Variants in OIP5 observed in about 807,000 individuals in gnomAD.
OIP5 encodes Opa interacting protein 5.
Under a neutral mutation model 20.3 loss-of-function variants are expected in OIP5, and 24 were observed. The ratio of observed to expected loss-of-function variants is 1.18; its 90% CI spans 0.86 to 1.66. The LOEUF is 1.66. Among genes scored for constraint, OIP5 ranks in the 40% most tolerant of loss-of-function variants. OIP5 has a pLI of 0.00. For missense variants in OIP5, 339 were observed against 289.5 expected, an observed-to-expected ratio of 1.17 and a Z score of -1.24; for synonymous variants, 143 against 121.3, an observed-to-expected ratio of 1.18 and a Z score of -1.17.
At chr15:41,330,333 T>A (rs7182324) in intron 2 of OIP5, among the ~76,000 whole-genome samples, 43,149 of 151,626 alleles carry the variant, frequency 0.28, 6,618 homozygotes, top group African/African-American at 0.39. Context: ...TCCCGACCTC[T>A]GGTGATCTGC....
chr15:41,313,130 AT>A, intron 4 of OIP5, 142 bp downstream of exon 4: 1 of 643,192 alleles, frequency 1.6e-6, no homozygotes, highest in Non-Finnish European at 2.7e-6. Flanking sequence ...TTTGTTTTTC[AT>A]TACAAATTCA....
At chr15:41,321,396 C>A (rs2047826952) in intron 2 of OIP5, among the ~76,000 whole-genome samples, 1 of 152,196 alleles carries the variant, frequency 6.6e-6, no homozygotes, top group Non-Finnish European at 1.5e-5. Flanking sequence ...AGCCCCTCTG[C>A]CCGGCCACCA....
intron 2 of OIP5, among the ~76,000 whole-genome samples, chr15:41,323,495 C>CT (rs546921141): frequency 8.7e-4 from 132 of 152,066 alleles, no homozygotes; most frequent in Middle Eastern, 3.4e-3. Context: ...TCCTTTGAAG[C>CT]TTTTTTTTCT....
intron 4 of OIP5, among the ~76,000 whole-genome samples, chr15:41,310,512 C>T (rs544490096): frequency 1.3e-5 from 2 of 152,130 alleles, no homozygotes; most frequent in African/African-American, 2.4e-5. Flanking sequence ...CGCCTGTAGT[C>T]CCAGCTACTC....
chr15:41,316,378 T>C (rs569795280), intron 3 of OIP5, among the ~76,000 whole-genome samples: 1 of 152,190 alleles, frequency 6.6e-6, no homozygotes, highest in South Asian at 2.1e-4. Context: ...AAATTTGCAA[T>C]GAAGAACAAA....
intron 3 of OIP5, among the ~76,000 whole-genome samples, chr15:41,317,672 G>A (rs1469445354): frequency 6.6e-6 from 1 of 151,846 alleles, no homozygotes; most frequent in Non-Finnish European, 1.5e-5. Flanking sequence ...GAGCTACCAC[G>A]CCCAGCACCG....
At chr15:41,321,042 G>A (rs949605281) in intron 2 of OIP5, among the ~76,000 whole-genome samples, 5 of 146,604 alleles carry the variant, frequency 3.4e-5, no homozygotes, top group African/African-American at 1.2e-4. Context: ...GAGACCCTCC[G>A]CCCGGCAGCC....
chr15:41,309,856 A>G lies in OIP5; in HGVS notation c.595-7T>C. The stretch of plus-strand genomic sequence containing the variant: ...GCACTATCTTCTCTTTCAGCTAGGA[A>G]GAGAAATATATAGATATCAGGGCAT... On this transcript the variant is annotated splice_polypyrimidine_tract_variant and splice_region_variant and intron_variant, in intron 4 of 4. Transcript: ENST00000220514. 6.3e-7 allele frequency: 1 copy of G among 1,586,112 alleles called. No individual in the cohort carries two copies. The highest frequency in any genetic ancestry group is 8.7e-7 in the Non-Finnish European group (1 of 1,155,870).
At chr15:41,331,192 C>A (rs975917388) in intron 2 of OIP5, among the ~76,000 whole-genome samples, 1 of 152,166 alleles carries the variant, frequency 6.6e-6, no homozygotes, top group Non-Finnish European at 1.5e-5. Context: ...ATTGAGGAGC[C>A]TTGCAATACC....
chr15:41,311,297 T>C (rs935840232), intron 4 of OIP5, among the ~76,000 whole-genome samples: 12 of 152,180 alleles, frequency 7.9e-5, no homozygotes, highest in African/African-American at 2.9e-4. Flanking sequence ...GTATTTTTAG[T>C]AGAGACAAGG....
At chr15:41,319,207 G>A (rs1439514409) in intron 3 of OIP5, among the ~76,000 whole-genome samples, 1 of 151,716 alleles carries the variant, frequency 6.6e-6, no homozygotes, top group Non-Finnish European at 1.5e-5. Flanking sequence ...CAAGTAGCTG[G>A]GATTACAGGT....
chr15:41,330,505 G>A (rs978689490), intron 2 of OIP5, among the ~76,000 whole-genome samples: 2 of 149,802 alleles, frequency 1.3e-5, no homozygotes, highest in African/African-American at 2.5e-5. Flanking sequence ...CCGGGTTCAC[G>A]CCATTCTCCT....
intron 3 of OIP5, 104 bp downstream of exon 3, chr15:41,319,554 T>C: frequency 8.3e-7 from 1 of 1,204,982 alleles, no homozygotes; most frequent in South Asian, 1.5e-5. Flanking sequence ...GTGCTCAGCC[T>C]ACTTTGTCTT....
chr15:41,323,688 C>G (rs1307336433), intron 2 of OIP5, among the ~76,000 whole-genome samples: 2 of 149,816 alleles, frequency 1.3e-5, no homozygotes, highest in Admixed American at 6.7e-5. Context: ...CCAGGCTGGT[C>G]TTGAACTCCT....
chr15:41,324,884 C>CT (rs1414326574), intron 2 of OIP5, among the ~76,000 whole-genome samples: 4 of 152,144 alleles, frequency 2.6e-5, no homozygotes, highest in Non-Finnish European at 4.4e-5. Flanking sequence ...AAATGAGAGA[C>CT]TTGCAACTTT....
chr15:41,315,511 T>G (rs942969832), intron 3 of OIP5, among the ~76,000 whole-genome samples: 2 of 152,096 alleles, frequency 1.3e-5, no homozygotes, highest in Non-Finnish European at 2.9e-5. Context: ...TCCTTCATGT[T>G]TAGGATGCTA....
chr15:41,315,155 C>G (rs547943522), intron 3 of OIP5, among the ~76,000 whole-genome samples: 1 of 149,952 alleles, frequency 6.7e-6, no homozygotes, highest in Admixed American at 6.6e-5. Context: ...GCTGGCGGGG[C>G]GCAGTGGCTT....
At chr15:41,315,464 G>A (rs1337952784) in intron 3 of OIP5, among the ~76,000 whole-genome samples, 1 of 151,742 alleles carries the variant, frequency 6.6e-6, no homozygotes, top group African/African-American at 2.4e-5. Flanking sequence ...ATGAAAAGGG[G>A]GAATTTTCTT....
At chr15:41,316,608 G>A (rs995297064) in intron 3 of OIP5, among the ~76,000 whole-genome samples, 19 of 151,928 alleles carry the variant, frequency 1.3e-4, no homozygotes, top group African/African-American at 4.1e-4. Flanking sequence ...GGCTAACACA[G>A]TGAAACCCCG....
Sources: gnomAD v4.1 joint callset for allele counts (sites outside exome capture counted in the v4.1 genomes callset) on GRCh38, gnomAD v4.1.1 for gene constraint, MANE v1.5 for transcripts, NCBI Gene and HGNC (gene_info 2026-07-23, HGNC 2026-07-21) for gene names.